The following PRKG1 variants were observed in gnomAD, a reference collection of about 807,000 sequenced individuals.
PRKG1 encodes the protein protein kinase cGMP-dependent 1, also known as cGMP-dependent protein kinase 1.
In PRKG1, 35 loss-of-function variants were observed where a neutral mutation model predicts 88.1. The observed-to-expected ratio is 0.40, with a 90% CI of 0.30 to 0.53. The LOEUF (loss-of-function observed/expected upper bound fraction) is 0.53, where lower values mean the gene tolerates loss of function less well. Ranked by LOEUF, PRKG1 falls within the 20% of genes least tolerant of loss-of-function variation. The pLI, the probability that PRKG1 is intolerant of heterozygous loss-of-function variation, is 0.59. For missense variants in PRKG1, 540 were observed against 839.8 expected (o/e 0.64, Z 4.41); for synonymous variants, 303 against 292.5 (o/e 1.04, Z -0.37).
intron 8 of PRKG1, among the ~76,000 whole-genome samples, chr10:52,157,306 G>GTGATATATAT (rs1838139563): frequency 7.9e-6 from 1 of 125,936 alleles, no homozygotes; most frequent in African/African-American, 2.9e-5. Flanking sequence ...TGAGTTAGTT[G>GTGATATATAT]ATATATATAT....
Position 52,294,082 on chromosome 10 carries a change from T to C in PRKG1, c.*182T>C. The C allele has an allele frequency of 2.1e-6, 1 of 482,908 alleles. No homozygotes were observed. Among genetic ancestry groups the C allele is most frequent in the African/African-American group, 2.0e-5 (1 of 51,034 alleles). The allele number at this position is 482,908 out of a possible 1,614,324, so 29.9% of individuals were successfully genotyped here. ...CCGCTTAGATGACAATAGTGCTCTT[T>C]ACATGTTTTCTGTTTGAACCTAAAA... On this transcript the variant is annotated 3_prime_UTR_variant, in exon 18 of 18. Coordinates refer to ENST00000373980, the MANE Select transcript of PRKG1 (RefSeq NM_006258.4).
chr10:51,950,944 A>G (rs546729387), intron 5 of PRKG1, among the ~76,000 whole-genome samples: 1 of 152,346 alleles, frequency 6.6e-6, no homozygotes, highest in African/African-American at 2.4e-5. Context: ...TGGTCCCCCA[A>G]TGGTGGGAAA....
Position 50,991,310 on chromosome 10 carries a change from A to AGAC in PRKG1, c.-68_-67insACG, listed in dbSNP as rs1842778393. The stretch of plus-strand genomic sequence containing the variant: ...GCTCTCCGCTGCCGGCTGCCGTCCC[A>AGAC]GCCGCCGCCGCCGCCGCCGCCGCCG... On this transcript the variant is annotated 5_prime_UTR_variant, in exon 1 of 18. Coordinates refer to the PRKG1 transcript ENST00000401604. This position sits in a 1 kb window ranked among gnomAD's most constrained non-coding sequence, Gnocchi z 4.5. The AGAC allele has an allele frequency of 4.3e-6, 6 of 1,396,934 alleles. No individual in the cohort carries two copies. Among genetic ancestry groups the AGAC allele is most frequent in the Non-Finnish European group, 5.7e-6 (6 of 1,056,866 alleles). The allele number at this position is 1,396,934 out of a possible 1,614,324, so 86.5% of individuals were successfully genotyped here. A position where few individuals can be genotyped will look rare whatever the true frequency, so the allele number is the denominator to read the frequency against.
In PRKG1 at chr10:51,163,747, C is replaced by T. The variant is rs183621253; in HGVS notation, c.478+10417C>T. ...AACGGCGCACCAGGAGATTATATCT[C>T]GCACCTGGCTGGGAGGGTCCTACGC... is the stretch of plus-strand genomic sequence containing the variant. On this transcript the variant is annotated intron_variant, in intron 2 of 17. Coordinates refer to ENST00000373980, the MANE Select transcript of PRKG1 (RefSeq NM_006258.4). 3.1e-4 allele frequency among the ~76,000 whole-genome samples: 47 copies of T among 152,348 alleles called. No homozygotes were observed. The East Asian group carries it at 6.4e-3, about 21-fold the overall frequency.
At chr10:51,141,931 T>C (rs1454773812) in intron 1 of PRKG1, among the ~76,000 whole-genome samples, 1 of 152,218 alleles carries the variant, frequency 6.6e-6, no homozygotes, top group Non-Finnish European at 1.5e-5. Flanking sequence ...GTTACATTAA[T>C]TACGAAATCT....
chr10:51,119,891 T>C (rs914750106), intron 1 of PRKG1, among the ~76,000 whole-genome samples: 4 of 152,108 alleles, frequency 2.6e-5, no homozygotes, highest in African/African-American at 9.7e-5. Context: ...GTAAGTCTAC[T>C]TGAAAACAGA....
Position 51,562,223 on chromosome 10 carries a change from C to CA in PRKG1, c.592+94400dup, listed in dbSNP as rs35433028. The stretch of plus-strand genomic sequence containing the variant: ...TAGGTGACAGACCTAGACTCCATCT[C>CA]AAAAAAAAAAAAATGCTACTGTAAT... On this transcript the variant is annotated intron_variant, in intron 3 of 17. Coordinates refer to ENST00000373980, the MANE Select transcript of PRKG1 (RefSeq NM_006258.4). 6.8e-4 allele frequency among the ~76,000 whole-genome samples: 99 copies of CA among 146,348 alleles called. 2 individuals are homozygous for CA. Among genetic ancestry groups the CA allele is most frequent in the Middle Eastern group, 7.0e-3 (2 of 284 alleles).
chr10:51,393,462 G>A (rs535050215), intron 2 of PRKG1, among the ~76,000 whole-genome samples: 4 of 152,130 alleles, frequency 2.6e-5, no homozygotes, highest in East Asian at 3.9e-4. Flanking sequence ...ACGGGGTGGC[G>A]GCCGGGCAGC....
intron 2 of PRKG1, among the ~76,000 whole-genome samples, chr10:51,296,236 AAAG>A (rs545698787): frequency 1.6e-3 from 242 of 152,214 alleles, no homozygotes; most frequent in African/African-American, 5.4e-3. Flanking sequence ...TGGAAGAGTT[AAAG>A]AAGGATTGTT....
At chr10:51,003,513 A>G (rs1589101198) in intron 1 of PRKG1, among the ~76,000 whole-genome samples, 1 of 152,216 alleles carries the variant, frequency 6.6e-6, no homozygotes, top group East Asian at 1.9e-4. Flanking sequence ...CCCATTTGCC[A>G]TGTTAAAAGT....
chr10:51,961,086 A>T (rs2133071223), intron 5 of PRKG1, among the ~76,000 whole-genome samples: 1 of 152,326 alleles, frequency 6.6e-6, no homozygotes, highest in South Asian at 2.1e-4. Context: ...TTATAAGGTT[A>T]GTGAATGTAA....
intron 5 of PRKG1, among the ~76,000 whole-genome samples, chr10:51,916,860 A>G (rs934127719): frequency 6.6e-6 from 1 of 152,262 alleles, no homozygotes; most frequent in African/African-American, 2.4e-5. Flanking sequence ...GAAGGACTTG[A>G]TATATGCTAC....
intron 3 of PRKG1, among the ~76,000 whole-genome samples, chr10:51,680,896 A>G (rs767183263): frequency 6.6e-6 from 1 of 152,216 alleles, no homozygotes; most frequent in Non-Finnish European, 1.5e-5. Flanking sequence ...TAAAAGAAAG[A>G]TGAGTAAAAT....
chr10:51,015,909 T>C (rs1366183549), intron 1 of PRKG1, among the ~76,000 whole-genome samples: 1 of 151,876 alleles, frequency 6.6e-6, no homozygotes, highest in Admixed American at 6.6e-5. Flanking sequence ...AAAAAAGAGA[T>C]AGAGGAAGCC....
chr10:51,941,542 G>C (rs1048578086), intron 5 of PRKG1, among the ~76,000 whole-genome samples: 5 of 151,762 alleles, frequency 3.3e-5, no homozygotes, highest in Admixed American at 1.3e-4. Context: ...ATGCTGGTGT[G>C]CTGCACCCAT....
intron 3 of PRKG1, among the ~76,000 whole-genome samples, chr10:51,497,404 A>G (rs1840889936): frequency 1.3e-5 from 2 of 152,186 alleles, no homozygotes; most frequent in Admixed American, 1.3e-4. Context: ...ACAACAGTGG[A>G]AAAAAATAAG....
At chr10:51,176,886 C>A (rs568213072) in intron 2 of PRKG1, among the ~76,000 whole-genome samples, 42 of 152,158 alleles carry the variant, frequency 2.8e-4, no homozygotes, top group African/African-American at 9.6e-4. Flanking sequence ...CCAGATAAGT[C>A]TATAAAATGT....
chr10:51,437,018 C>T (rs1838951502), intron 2 of PRKG1, among the ~76,000 whole-genome samples: 1 of 151,960 alleles, frequency 6.6e-6, no homozygotes, highest in Admixed American at 6.6e-5. Context: ...TGCCTTTCAT[C>T]TCTTTGCCAG....
chr10:51,873,379 T>A (rs72799479), intron 4 of PRKG1, among the ~76,000 whole-genome samples: 2,014 of 152,204 alleles, frequency 0.013, 19 homozygotes, highest in South Asian at 0.033. Context: ...AAAACTGTAG[T>A]ACAGTCAAAA....
Sources: gnomAD v4.1 joint callset for allele counts (sites outside exome capture counted in the v4.1 genomes callset) on GRCh38, gnomAD v4.1.1 for gene constraint, Gnocchi (gnomAD v3.1) non-coding constraint, MANE v1.5 for transcripts, NCBI Gene and HGNC (gene_info 2026-07-23, HGNC 2026-07-21) for gene names.